Variants in FAM181A observed in about 807,000 individuals in gnomAD.
FAM181A encodes the protein protein FAM181A.
Under a neutral mutation model 16.3 loss-of-function variants are expected in FAM181A, and 7 were observed. That is an observed-to-expected ratio of 0.43 (90% CI 0.24 to 0.81). The LOEUF is 0.81. FAM181A is among the 30% of genes least tolerant of loss of function. The pLI is 0.24. For missense variants in FAM181A, 349 were observed against 377.5 expected (o/e 0.92, Z 0.63); for synonymous variants, 183 against 164.9 (o/e 1.11, Z -0.84).
intron 1 of FAM181A, among the ~76,000 whole-genome samples, chr14:93,919,859 C>T (rs1263539879): frequency 6.6e-6 from 1 of 151,904 alleles, no homozygotes; most frequent in African/African-American, 2.4e-5. Context: ...CACTAAGAGG[C>T]CTACATTAGA....
chr14:93,928,080 C>T (rs1175641111), intron 1 of FAM181A, 119 bp from the exon 2 acceptor site: 1 of 1,464,232 alleles, frequency 6.8e-7, no homozygotes, highest in Non-Finnish European at 9.1e-7. Flanking sequence ...ACCCAGGACT[C>T]TGTTTAGGGC....
chr14:93,923,987 C>T (rs1266182762), upstream of FAM181A: 1 of 152,230 alleles, frequency 6.6e-6, no homozygotes, highest in Non-Finnish European at 1.5e-5. Flanking sequence ...ACTCCCTTCC[C>T]TTCTGGAGCT....
At position 93,929,154 on chromosome 14, in the gene FAM181A, G is replaced by T; in HGVS notation, c.869G>T (p.Gly290Val). ...CCCCCACCCATCTTCAATGTCTTTG[G>T]CTACCTCTAGCCACGCGGAGAGGGC... ...AVPPPIFNVFGYL is the reference protein window; with the variant it reads ...AVPPPIFNVFVYL Residue 290 changes from glycine (G) to valine (V), a missense_variant, in exon 2 of 2, where the codon GGC becomes GTC. Physicochemically the swap from Gly to Val is moderately radical, Grantham distance 109. Transcript: ENST00000556222. The T allele has an allele frequency of 6.6e-7, 1 of 1,517,112 alleles. No homozygotes were observed. 94.0% of individuals were successfully genotyped at this position (1,517,112 alleles called of 1,614,324 possible). A position where few individuals can be genotyped will look rare whatever the true frequency, so the allele number is the denominator to read the frequency against.
intron 1 of FAM181A, among the ~76,000 whole-genome samples, chr14:93,920,269 A>G (rs1444504337): frequency 6.6e-6 from 1 of 152,170 alleles, no homozygotes; most frequent in Admixed American, 6.5e-5. Flanking sequence ...TTTAAAAATT[A>G]GCTGGATGTG....
chr14:93,926,301 G>C (rs1392280799), upstream of FAM181A: 1 of 152,252 alleles, frequency 6.6e-6, no homozygotes, highest in Non-Finnish European at 1.5e-5. The surrounding 1 kb of genome is among the most constrained non-coding windows in gnomAD (Gnocchi z 5.2). Context: ...TTGGTGGGCA[G>C]GGCCAACAGC....
intron 1 of FAM181A, among the ~76,000 whole-genome samples, chr14:93,919,614 A>G (rs1178956883): frequency 6.6e-6 from 1 of 152,234 alleles, no homozygotes; most frequent in African/African-American, 2.4e-5. Context: ...TGTCCTGTAC[A>G]TAGTAGGTGT....
intron 1 of FAM181A, chr14:93,927,726 GCT>G: frequency 9.3e-7 from 1 of 1,073,110 alleles, no homozygotes; most frequent in South Asian, 1.6e-5. Context: ...TGCTCCTCGT[GCT>G]GGGGGCAGGA....
chr14:93,927,717 G>T (rs1480322151), intron 1 of FAM181A: 16 of 1,097,892 alleles, frequency 1.5e-5, no homozygotes, highest in African/African-American at 1.3e-4. Context: ...GGGGGCTGGT[G>T]CTCCTCGTGC....
chr14:93,924,060 T>C (rs1341992928), upstream of FAM181A: 1 of 152,184 alleles, frequency 6.6e-6, no homozygotes, highest in Non-Finnish European at 1.5e-5. Context: ...AAGCAGCTGT[T>C]TACGGTTCAC....
intron 1 of FAM181A, chr14:93,927,762 C>G (rs2141256879): frequency 1.3e-6 from 1 of 750,284 alleles, no homozygotes; most frequent in African/African-American, 1.9e-5. Context: ...GAGGCTACCA[C>G]CAGGGAGGAA....
upstream of FAM181A, chr14:93,925,115 C>T: frequency 1.6e-6 from 1 of 632,660 alleles, no homozygotes; most frequent in Non-Finnish European, 2.7e-6. Context: ...AACTCACCTC[C>T]CACGGAGTCC....
chr14:93,925,380 T>C (rs948573543), upstream of FAM181A: 2 of 1,610,100 alleles, frequency 1.2e-6, no homozygotes, highest in African/African-American at 1.3e-5. Context: ...GGTGGTTACG[T>C]AGTCAGATGC....
intron 1 of FAM181A, 181 bp downstream of exon 1, chr14:93,927,635 C>G (rs548196481): frequency 4.7e-6 from 6 of 1,283,060 alleles, no homozygotes; most frequent in African/African-American, 1.5e-5. Context: ...AGGCAGGTCT[C>G]GATTAAGTGC....
intron 1 of FAM181A, among the ~76,000 whole-genome samples, chr14:93,921,545 G>A (rs1421779367): frequency 2.0e-5 from 3 of 152,234 alleles, no homozygotes; most frequent in Non-Finnish European, 4.4e-5. Context: ...ACAGCCTGCC[G>A]TGGGCTGGTC....
chr14:93,925,427 A>G (rs2141254309), upstream of FAM181A: 1 of 1,516,010 alleles, frequency 6.6e-7, no homozygotes. Flanking sequence ...GGCTGTGCAC[A>G]CCAGCCTCAC....
upstream of FAM181A, among the ~76,000 whole-genome samples, chr14:93,923,127 A>G (rs1468893013): frequency 6.6e-6 from 1 of 152,144 alleles, no homozygotes; most frequent in African/African-American, 2.4e-5. Context: ...GGCACCCGCC[A>G]CCACACCTAG....
chr14:93,919,786 C>T (rs1887656484), intron 1 of FAM181A, among the ~76,000 whole-genome samples: 1 of 152,100 alleles, frequency 6.6e-6, no homozygotes, highest in African/African-American at 2.4e-5. Flanking sequence ...AAGAAAAATG[C>T]AAACACAACA....
At position 93,928,206 on chromosome 14, in the gene FAM181A, C is replaced by A. The variant is rs377346763; in HGVS notation, c.-80C>A. ...GCCTGTTTTGTCCCCCAGGTCAGCTCGGTGCCCTTCCTTGGAGCTGCCGGC... is the reference window on the plus strand; with the variant it reads ...GCCTGTTTTGTCCCCCAGGTCAGCTAGGTGCCCTTCCTTGGAGCTGCCGGC... On this transcript the variant is annotated 5_prime_UTR_variant, in exon 2 of 2. Coordinates refer to ENST00000556222, the MANE Select transcript of FAM181A (RefSeq NM_001207073.2). 1.2e-6 allele frequency: 2 copies of A among 1,612,746 alleles called. No individual in the cohort carries two copies. The highest frequency in any genetic ancestry group is 1.1e-5 in the South Asian group (1 of 91,028).
chr14:93,929,074 G>A lies in FAM181A; in HGVS notation c.789G>A (p.Gly263=), dbSNP rs755876034. Residue 263 remains glycine (G), a synonymous_variant, in exon 2 of 2, where the codon GGG becomes GGA. Coordinates refer to ENST00000556222, the MANE Select transcript of FAM181A (RefSeq NM_001207073.2). The part of the protein sequence containing the change: ...AHLCKDVDGL[G]QKVCRPVVLK... ...TCTGCAAGGATGTGGACGGCCTGGG[G>A]CAGAAGGTGTGCAGGCCCGTGGTGC... is the stretch of plus-strand genomic sequence containing the variant. 1.7e-5 allele frequency: 26 copies of A among 1,572,946 alleles called. No individual in the cohort carries two copies. The highest frequency in any genetic ancestry group is 1.2e-5 in the South Asian group (1 of 84,704).
Sources: gnomAD v4.1 joint callset for allele counts (sites outside exome capture counted in the v4.1 genomes callset) on GRCh38, gnomAD v4.1.1 for gene constraint, Gnocchi (gnomAD v3.1) non-coding constraint, MANE v1.5 for transcripts, NCBI Gene and HGNC (gene_info 2026-07-23, HGNC 2026-07-21) for gene names.